Variants in DMD observed in about 807,000 individuals in gnomAD.
The protein encoded by DMD is mutant dystrophin.
Under a neutral mutation model 330.1 loss-of-function variants are expected in DMD, and 63 were observed. The ratio of observed to expected loss-of-function variants is 0.19; its 90% confidence interval spans 0.16 to 0.24. The LOEUF is 0.24. DMD is among the 10% of genes least tolerant of loss of function. DMD has a pLI of 1.00. For synonymous variants in DMD, 1,223 were observed against 959.8 expected, an observed-to-expected ratio of 1.27 and a Z score of -5.07; for missense variants, 3,344 against 2,684.1, an observed-to-expected ratio of 1.25 and a Z score of -5.43.
At chrX:32,962,949 C>T (rs184925760) in intron 2 of DMD, among the ~76,000 whole-genome samples, 2 of 97,206 alleles carry the variant, frequency 2.1e-5, no homozygotes, top group Admixed American at 1.1e-4. Context: ...AGATGTGACC[C>T]GATAACTGTC....
intron 60 of DMD, among the ~76,000 whole-genome samples, chrX:31,406,890 T>C (rs1443723158): frequency 9.0e-6 from 1 of 111,616 alleles, no homozygotes; most frequent in African/African-American, 3.3e-5. Flanking sequence ...TAGCTGCATT[T>C]ACAAAGGCAC....
At chrX:31,975,276 G>A (rs749071329) in intron 44 of DMD, among the ~76,000 whole-genome samples, 2 of 111,601 alleles carry the variant, frequency 1.8e-5, no homozygotes, top group Non-Finnish European at 3.8e-5. Context: ...ATTTGAATTG[G>A]TGGCTCTTGT....
intron 60 of DMD, among the ~76,000 whole-genome samples, chrX:31,437,859 A>C (rs2064650235): frequency 9.3e-6 from 1 of 107,506 alleles, no homozygotes. Context: ...TATCATATAT[A>C]TAACATACAT....
intron 1 of DMD, among the ~76,000 whole-genome samples, chrX:33,076,821 G>A (rs2148204942): frequency 9.0e-6 from 1 of 111,605 alleles, no homozygotes; most frequent in Admixed American, 9.6e-5. Context: ...TTGCAATAGA[G>A]AAAGAGTAAC....
At chrX:32,749,694 T>A (rs2070547529) in intron 7 of DMD, among the ~76,000 whole-genome samples, 1 of 112,510 alleles carries the variant, frequency 8.9e-6, no homozygotes, top group South Asian at 3.6e-4. Flanking sequence ...TGCTGAAGGC[T>A]TTTAGGGTTC....
intron 43 of DMD, among the ~76,000 whole-genome samples, chrX:32,249,868 C>T (rs1323034917): frequency 9.0e-6 from 1 of 111,642 alleles, no homozygotes; most frequent in East Asian, 2.8e-4. Flanking sequence ...GAGATGCTTC[C>T]TTGGCTGCAT....
chrX:32,302,940 G>A (rs2097528505), intron 42 of DMD, among the ~76,000 whole-genome samples: 1 of 110,782 alleles, frequency 9.0e-6, no homozygotes, highest in South Asian at 3.7e-4. Flanking sequence ...ATCTTTCTAA[G>A]CTTTTCAGGT....
chrX:31,878,790 G>T (rs1408828556), intron 47 of DMD, among the ~76,000 whole-genome samples: 2 of 112,243 alleles, frequency 1.8e-5, no homozygotes, highest in African/African-American at 6.5e-5. Flanking sequence ...AATAATGAGA[G>T]AAATGAAAAT....
intron 1 of DMD, among the ~76,000 whole-genome samples, chrX:33,240,241 CCTT>C (rs2052566211): frequency 9.0e-6 from 1 of 111,607 alleles, no homozygotes; most frequent in South Asian, 3.7e-4. Context: ...AACTACCTCA[CCTT>C]CTGGTAACCA....
At chrX:33,108,861 C>A (rs1603293985) in intron 1 of DMD, among the ~76,000 whole-genome samples, 1 of 7,548 alleles carries the variant, frequency 1.3e-4, no homozygotes, top group South Asian at 5.3e-3. Flanking sequence ...AGTGAAACTC[C>A]GTTTCGGAAA....
At chrX:33,058,101 G>A (rs1012959012) in intron 1 of DMD, among the ~76,000 whole-genome samples, 5 of 111,102 alleles carry the variant, frequency 4.5e-5, no homozygotes, top group Non-Finnish European at 9.4e-5. Context: ...GCTGGTCTCT[G>A]ACTCCTGATC....
intron 38 of DMD, among the ~76,000 whole-genome samples, chrX:32,347,207 ATATACT>A (rs1029625598): frequency 9.9e-5 from 11 of 111,613 alleles, no homozygotes; most frequent in African/African-American, 3.6e-4. Flanking sequence ...TAGACACATC[ATATACT>A]TATAGTCTGT....
intron 1 of DMD, among the ~76,000 whole-genome samples, chrX:33,127,906 A>T (rs2095475160): frequency 1.8e-5 from 2 of 111,542 alleles, no homozygotes; most frequent in Non-Finnish European, 3.8e-5. Context: ...GTTCCTTCTT[A>T]TTTCAGTGAT....
chrX:32,252,899 A>ATATATAAATAT (rs2097281406), intron 43 of DMD, among the ~76,000 whole-genome samples: 1 of 82,042 alleles, frequency 1.2e-5, no homozygotes, highest in Non-Finnish European at 2.2e-5. Flanking sequence ...AATATATATA[A>ATATATAAATAT]ATATATACAT....
intron 48 of DMD, among the ~76,000 whole-genome samples, chrX:31,865,222 A>G (rs749183765): frequency 9.8e-5 from 11 of 112,163 alleles, no homozygotes; most frequent in African/African-American, 3.6e-4. Context: ...TCAAGGTGTT[A>G]TCAAGCCAGA....
At chrX:32,348,636 A>G (rs1213555246) in intron 37 of DMD, 108 bp from the exon 38 acceptor site, 4 of 702,711 alleles carry the variant, frequency 5.7e-6, no homozygotes, top group Non-Finnish European at 8.3e-6. Flanking sequence ...AATCACATGC[A>G]TTATGTTTCC....
At chrX:31,639,699 T>C (rs1301947240) in intron 54 of DMD, among the ~76,000 whole-genome samples, 3 of 112,108 alleles carry the variant, frequency 2.7e-5, no homozygotes, top group African/African-American at 9.7e-5. Context: ...AACTGCATAC[T>C]ACAACACATA....
At chrX:32,728,717 T>G (rs1165537246) in intron 7 of DMD, among the ~76,000 whole-genome samples, 1 of 112,157 alleles carries the variant, frequency 8.9e-6, no homozygotes, top group Admixed American at 9.5e-5. Flanking sequence ...GAAAATAGTA[T>G]TTTCTTCCTC....
chrX:32,831,264 T>A (rs890209284), intron 4 of DMD, among the ~76,000 whole-genome samples: 2 of 110,666 alleles, frequency 1.8e-5, no homozygotes, highest in African/African-American at 6.5e-5. Flanking sequence ...TCGTCAATAT[T>A]TTATTCAAGC....
Sources: gnomAD v4.1 joint callset for allele counts (sites outside exome capture counted in the v4.1 genomes callset) on GRCh38, gnomAD v4.1.1 for gene constraint, MANE v1.5 for transcripts, NCBI Gene and HGNC (gene_info 2026-07-23, HGNC 2026-07-21) for gene names.